PSD3: variants seen among roughly 807,000 people sequenced by gnomAD.
The protein encoded by PSD3 is pleckstrin and Sec7 domain containing 3, also known as PH and SEC7 domain-containing protein 3.
Under a neutral mutation model 105.5 loss-of-function variants are expected in PSD3, and 49 were observed. That is an observed-to-expected ratio of 0.46 (90% CI 0.37 to 0.59). The LOEUF (loss-of-function observed/expected upper bound fraction) is 0.59. Among genes scored for constraint, PSD3 ranks in the 20% least tolerant of loss-of-function variants. The pLI is 0.00. For missense variants in PSD3, 1,561 were observed against 1,263.8 expected (o/e 1.24, Z -3.57); for synonymous variants, 557 against 457.8 (o/e 1.22, Z -2.77).
intron 1 of PSD3, among the ~76,000 whole-genome samples, chr8:19,078,409 T>G (rs1391435318): frequency 6.6e-6 from 1 of 152,146 alleles, no homozygotes; most frequent in Non-Finnish European, 1.5e-5. Flanking sequence ...TATACAGTAA[T>G]GTATAATTTA....
chr8:18,587,510 C>A (rs1178196969), intron 12 of PSD3, among the ~76,000 whole-genome samples: 1 of 152,026 alleles, frequency 6.6e-6, no homozygotes, highest in Non-Finnish European at 1.5e-5. Context: ...TTTGAATATG[C>A]CATATTCTCT....
chr8:18,581,242 T>C (rs1257919019), intron 12 of PSD3, among the ~76,000 whole-genome samples: 10 of 152,198 alleles, frequency 6.6e-5, no homozygotes, highest in African/African-American at 2.4e-5. Context: ...CATAGCACTT[T>C]CTAATTTTTA....
intron 8 of PSD3, among the ~76,000 whole-genome samples, chr8:18,783,825 G>C (rs1023055170): frequency 5.6e-4 from 85 of 152,216 alleles, no homozygotes; most frequent in African/African-American, 1.9e-3. Flanking sequence ...AGTAGAGATG[G>C]CATTTCACCA....
chr8:18,832,358 G>C (rs1419638891), intron 4 of PSD3, among the ~76,000 whole-genome samples: 1 of 151,862 alleles, frequency 6.6e-6, no homozygotes, highest in Non-Finnish European at 1.5e-5. Flanking sequence ...CACAACTCCA[G>C]TAAACAGAAG....
At chr8:18,719,413 A>G (rs1027961838) in intron 9 of PSD3, among the ~76,000 whole-genome samples, 1 of 152,192 alleles carries the variant, frequency 6.6e-6, no homozygotes, top group Non-Finnish European at 1.5e-5. Flanking sequence ...CTCAAGCCAC[A>G]TACACAACCC....
At chr8:18,754,239 G>C (rs927281798) in intron 9 of PSD3, among the ~76,000 whole-genome samples, 2 of 151,976 alleles carry the variant, frequency 1.3e-5, no homozygotes, top group Non-Finnish European at 2.9e-5. Context: ...CAAAAATTAG[G>C]AGGGCGTGGT....
At chr8:18,723,155 A>C (rs1274557444) in intron 9 of PSD3, among the ~76,000 whole-genome samples, 1 of 152,180 alleles carries the variant, frequency 6.6e-6, no homozygotes, top group African/African-American at 2.4e-5. Flanking sequence ...GACCCACAGT[A>C]TTTCCTCCGT....
chr8:18,814,893 T>C (rs549588179), intron 4 of PSD3, among the ~76,000 whole-genome samples: 32 of 152,316 alleles, frequency 2.1e-4, no homozygotes, highest in South Asian at 6.2e-4. Flanking sequence ...CATCAGAAGC[T>C]GGGCAGCAAA....
At chr8:18,806,425 G>T (rs1009879086) in intron 4 of PSD3, among the ~76,000 whole-genome samples, 2 of 152,122 alleles carry the variant, frequency 1.3e-5, no homozygotes, top group South Asian at 4.1e-4. Context: ...AGGTATAGAG[G>T]GTTCTCTTGT....
chr8:18,550,652 T>C (rs1307892799), intron 15 of PSD3, among the ~76,000 whole-genome samples: 1 of 152,190 alleles, frequency 6.6e-6, no homozygotes. Context: ...CCAAAGCCTG[T>C]TTTATAATAA....
At chr8:18,536,969 G>A (rs1478378992) in intron 15 of PSD3, among the ~76,000 whole-genome samples, 1 of 152,168 alleles carries the variant, frequency 6.6e-6, no homozygotes, top group Admixed American at 6.5e-5. Context: ...AACAAAGGCA[G>A]GCAAATTCTG....
chr8:18,761,364 A>G (rs1194367613), intron 9 of PSD3, among the ~76,000 whole-genome samples: 1 of 152,234 alleles, frequency 6.6e-6, no homozygotes, highest in Admixed American at 6.5e-5. Flanking sequence ...ACCTGCAGGA[A>G]GGGATAGGGT....
chr8:18,670,235 GT>G (rs1799701358), intron 9 of PSD3, among the ~76,000 whole-genome samples: 1 of 152,198 alleles, frequency 6.6e-6, no homozygotes, highest in Non-Finnish European at 1.5e-5. Flanking sequence ...ACTGAACCGG[GT>G]GGGTCTGAGA....
chr8:18,667,917 C>T (rs1799571847), intron 9 of PSD3, among the ~76,000 whole-genome samples: 1 of 152,264 alleles, frequency 6.6e-6, no homozygotes, highest in Admixed American at 6.5e-5. Context: ...TCCACAGCTG[C>T]TGGCCCAGTT....
intron 9 of PSD3, among the ~76,000 whole-genome samples, chr8:18,750,962 G>T (rs529899723): frequency 6.6e-6 from 1 of 152,268 alleles, no homozygotes; most frequent in East Asian, 1.9e-4. Context: ...ACCAGACTCA[G>T]GAGACCAGCT....
intron 4 of PSD3, among the ~76,000 whole-genome samples, chr8:18,855,198 C>T (rs1050421326): frequency 2.6e-5 from 4 of 152,168 alleles, no homozygotes; most frequent in African/African-American, 7.2e-5. Flanking sequence ...ACTTTCTAAA[C>T]AGAAGTGGAT....
chr8:18,615,558 TTATATA>T, intron 11 of PSD3, among the ~76,000 whole-genome samples: 1 of 152,366 alleles, frequency 6.6e-6, no homozygotes, highest in East Asian at 1.9e-4. Context: ...CACTGAAACT[TTATATA>T]TAACATTTGA....
At chr8:18,537,319 G>C (rs1160717499) in intron 15 of PSD3, among the ~76,000 whole-genome samples, 2 of 152,076 alleles carry the variant, frequency 1.3e-5, no homozygotes, top group African/African-American at 4.8e-5. Context: ...ATGAAACTCG[G>C]ATTTGAACCA....
intron 1 of PSD3, among the ~76,000 whole-genome samples, chr8:19,056,068 C>A (rs1316966376): frequency 1.3e-5 from 2 of 152,238 alleles, no homozygotes; most frequent in African/African-American, 4.8e-5. Flanking sequence ...GTGTTAAATA[C>A]TCTGCCCCTT....
Sources: gnomAD v4.1 joint callset for allele counts (sites outside exome capture counted in the v4.1 genomes callset) on GRCh38, gnomAD v4.1.1 for gene constraint, MANE v1.5 for transcripts, NCBI Gene and HGNC (gene_info 2026-07-23, HGNC 2026-07-21) for gene names.